The following INPP5D variants were observed in gnomAD, a reference collection of about 807,000 sequenced individuals.
The protein encoded by INPP5D is inositol polyphosphate-5-phosphatase D.
Under a neutral mutation model 122.9 loss-of-function variants are expected in INPP5D, and 33 were observed. That is an observed-to-expected ratio of 0.27 (90% CI 0.20 to 0.36). The LOEUF (loss-of-function observed/expected upper bound fraction) is 0.36, where lower values mean the gene tolerates loss of function less well. Among genes scored for constraint, INPP5D ranks in the 10% least tolerant of loss-of-function variants. INPP5D has a pLI of 1.00. For missense variants in INPP5D, 1,053 were observed against 1,412.7 expected (o/e 0.75, Z 4.08); for synonymous variants, 584 against 576.2 (o/e 1.01, Z -0.19).
Position 233,105,653 on chromosome 2 carries a change from G to A in INPP5D, c.199-16454G>A, listed in dbSNP as rs1692447005. On this transcript the variant is annotated intron_variant, in intron 2 of 26. Transcript: ENST00000445964. This position sits in a 1 kb window ranked among gnomAD's most constrained non-coding sequence, Gnocchi z 4.0. Reference sequence around the variant, plus strand: ...AGGGAAGGGTAAGAGGGTAGTGACCGCAAGCGGGCCGCCTGCTGGCTGCTG... The same window carrying A: ...AGGGAAGGGTAAGAGGGTAGTGACCACAAGCGGGCCGCCTGCTGGCTGCTG... Among the ~76,000 whole-genome samples, 1 of 152,212 alleles carries A rather than the reference G, an allele frequency of 6.6e-6. No individual in the cohort carries two copies. The highest frequency in any genetic ancestry group is 3.2e-3 in the Middle Eastern group (1 of 316).
intron 2 of INPP5D, among the ~76,000 whole-genome samples, chr2:233,093,291 C>A (rs1414988628): frequency 6.6e-6 from 1 of 152,134 alleles, no homozygotes; most frequent in Admixed American, 6.5e-5. Context: ...TGGAAATAAG[C>A]CTTCCTTCTT....
chr2:233,111,465 G>T (rs1692626697), intron 2 of INPP5D, among the ~76,000 whole-genome samples: 1 of 152,152 alleles, frequency 6.6e-6, no homozygotes, highest in Non-Finnish European at 1.5e-5. Context: ...CTTTAATTGG[G>T]CACAGTTCCT....
At chr2:233,137,897 T>TATATATATATATATAC (rs1453339834) in intron 5 of INPP5D, among the ~76,000 whole-genome samples, 1 of 44,528 alleles carries the variant, frequency 2.2e-5, no homozygotes, top group African/African-American at 7.8e-5. Context: ...TATATATATA[T>TATATATATATATATAC]ACACACACAC....
chr2:233,071,550 G>C (rs1373250545), intron 1 of INPP5D, among the ~76,000 whole-genome samples: 1 of 152,110 alleles, frequency 6.6e-6, no homozygotes, highest in Non-Finnish European at 1.5e-5. Flanking sequence ...AGGTGAACCA[G>C]CTAATAATAT....
intron 13 of INPP5D, among the ~76,000 whole-genome samples, chr2:233,168,005 C>CAAAAA (rs58025565): frequency 1.9e-3 from 139 of 72,538 alleles, no homozygotes; most frequent in East Asian, 2.7e-3. Flanking sequence ...ACTCTGTCTC[C>CAAAAA]AAAAAAAAAA....
At chr2:233,064,928 A>G (rs1454605540) in intron 1 of INPP5D, among the ~76,000 whole-genome samples, 2 of 152,198 alleles carry the variant, frequency 1.3e-5, no homozygotes, top group African/African-American at 4.8e-5. Context: ...TATTTTTCAT[A>G]TCTGATATTG....
At chr2:233,204,811 T>G (rs1559352003) in intron 26 of INPP5D, 94 bp downstream of exon 26, 1 of 1,423,528 alleles carries the variant, frequency 7.0e-7, no homozygotes, top group Non-Finnish European at 9.2e-7. Context: ...TGTGCATGTG[T>G]GTGTGCACGC....
intron 16 of INPP5D, 43 bp from the exon 17 acceptor site, chr2:233,171,021 A>C (rs1694482566): frequency 5.0e-6 from 8 of 1,606,768 alleles, no homozygotes; most frequent in Non-Finnish European, 6.8e-6. Context: ...CCAGATGCAA[A>C]ACCTGGGGAA....
intron 17 of INPP5D, among the ~76,000 whole-genome samples, chr2:233,172,674 G>C (rs578155318): frequency 6.6e-6 from 1 of 152,268 alleles, no homozygotes; most frequent in South Asian, 2.1e-4. Flanking sequence ...TGAAAATAGC[G>C]ATGCGTCGCT....
At chr2:233,132,978 T>A (rs1039130679) in intron 5 of INPP5D, among the ~76,000 whole-genome samples, 2 of 146,300 alleles carry the variant, frequency 1.4e-5, no homozygotes, top group East Asian at 4.0e-4. Context: ...AGCCTCAACC[T>A]CCTGGGCTCA....
chr2:233,149,420 G>A (rs149701000), intron 9 of INPP5D, among the ~76,000 whole-genome samples: 77,676 of 151,996 alleles, frequency 0.51, 20,554 homozygotes, highest in East Asian at 0.66. Flanking sequence ...TCTTAATAAA[G>A]TCGTATGCAC....
chr2:233,098,938 T>TTATTTATC, intron 2 of INPP5D, among the ~76,000 whole-genome samples: 1 of 108,560 alleles, frequency 9.2e-6, no homozygotes. Context: ...AACTTTATTT[T>TTATTTATC]TATTTATTTA....
At chr2:233,074,387 G>A (rs773071268) in intron 1 of INPP5D, among the ~76,000 whole-genome samples, 3 of 152,094 alleles carry the variant, frequency 2.0e-5, no homozygotes, top group East Asian at 1.9e-4. Context: ...AATAATACTC[G>A]GCCAGCCTCA....
intron 9 of INPP5D, among the ~76,000 whole-genome samples, chr2:233,154,830 C>G (rs188781936): frequency 7.2e-5 from 11 of 152,312 alleles, no homozygotes; most frequent in African/African-American, 2.4e-4. Flanking sequence ...TAAACTGGTC[C>G]TGTTAAGAAT....
At chr2:233,093,550 GT>G (rs11323784) in intron 2 of INPP5D, among the ~76,000 whole-genome samples, 138,966 of 151,876 alleles carry the variant, frequency 0.91, 63,672 homozygotes, top group East Asian at 0.99. Context: ...ATGGTGGCGA[GT>G]TGCCTATAAT....
chr2:233,174,211 CATT>C (rs1215122974), intron 17 of INPP5D, among the ~76,000 whole-genome samples: 1 of 152,238 alleles, frequency 6.6e-6, no homozygotes, highest in African/African-American at 2.4e-5. Context: ...AGTTGTTTAT[CATT>C]ATCAAATATT....
intron 2 of INPP5D, among the ~76,000 whole-genome samples, chr2:233,097,238 G>A (rs4973603): frequency 0.7 from 106,557 of 151,444 alleles, 37,671 homozygotes; most frequent in Middle Eastern, 0.79. Context: ...AGGTTTAATC[G>A]AGGTGGCTTT....
At chr2:233,176,938 A>G (rs1037829236) in intron 17 of INPP5D, among the ~76,000 whole-genome samples, 21 of 152,072 alleles carry the variant, frequency 1.4e-4, no homozygotes, top group Non-Finnish European at 2.8e-4. Flanking sequence ...GTGAGCAGAG[A>G]CTGAGCTGAA....
At chr2:233,203,162 C>T (rs1256374993) in intron 25 of INPP5D, among the ~76,000 whole-genome samples, 1 of 152,196 alleles carries the variant, frequency 6.6e-6, no homozygotes, top group Non-Finnish European at 1.5e-5. Context: ...TGAGCTTTCA[C>T]CCTCAAGTAG....
Sources: allele counts gnomAD v4.1 joint callset (sites outside exome capture counted in the v4.1 genomes callset), GRCh38; gene constraint gnomAD v4.1.1; non-coding constraint Gnocchi (gnomAD v3.1); transcripts MANE v1.5; gene names NCBI Gene and HGNC (gene_info 2026-07-23, HGNC 2026-07-21).